Variants in TAF8 observed in about 807,000 individuals in gnomAD.
TAF8 encodes the protein transcription initiation factor TFIID subunit 8.
In TAF8, 47 loss-of-function variants were observed where a neutral mutation model predicts 36.5. The observed-to-expected ratio is 1.29, with a 90% CI of 1.02 to 1.64. The LOEUF is 1.64. Ranked by LOEUF, TAF8 falls within the 40% of genes most tolerant of loss-of-function variation. The pLI is 0.00. For missense variants in TAF8, 420 were observed against 407.6 expected, an observed-to-expected ratio of 1.03 and a Z score of -0.26; for synonymous variants, 175 against 159.5, an observed-to-expected ratio of 1.10 and a Z score of -0.73.
At chr6:42,051,537 C>T (rs753909069) in intron 2 of TAF8, 24 bp downstream of exon 2, 2 of 1,609,242 alleles carry the variant, frequency 1.2e-6, no homozygotes, top group Non-Finnish European at 1.7e-6. Flanking sequence ...AACACTTGGC[C>T]TTGGAGTCAA....
At chr6:42,085,854 G>A (rs919466847), downstream of TAF8, among the ~76,000 whole-genome samples, 4 of 151,786 alleles carry the variant, frequency 2.6e-5, no homozygotes, top group Non-Finnish European at 5.9e-5. Context: ...GCATGGTGGC[G>A]GATGCCTGTA....
chr6:42,065,969 C>T (rs925726378), intron 5 of TAF8, among the ~76,000 whole-genome samples: 3 of 152,144 alleles, frequency 2.0e-5, no homozygotes, highest in East Asian at 3.9e-4. Flanking sequence ...GATGCAGTCT[C>T]GGCTCACTGC....
At chr6:42,061,770 T>A (rs1245483215) in intron 5 of TAF8, among the ~76,000 whole-genome samples, 7 of 152,214 alleles carry the variant, frequency 4.6e-5, no homozygotes, top group African/African-American at 1.4e-4. Flanking sequence ...ATAAGCCAAA[T>A]CATTTTTGGG....
intron 2 of TAF8, among the ~76,000 whole-genome samples, chr6:42,053,323 G>A (rs1183463965): frequency 6.6e-6 from 1 of 152,182 alleles, no homozygotes; most frequent in African/African-American, 2.4e-5. Context: ...AGCACTTTGG[G>A]AGGCCGAGGC....
At chr6:42,071,741 C>T (rs990540790) in intron 7 of TAF8, among the ~76,000 whole-genome samples, 5 of 151,834 alleles carry the variant, frequency 3.3e-5, no homozygotes, top group African/African-American at 7.3e-5. Flanking sequence ...TTAATTTGGG[C>T]TGAGATATGG....
intron 7 of TAF8, among the ~76,000 whole-genome samples, chr6:42,072,993 G>C (rs2127462359): frequency 6.6e-6 from 1 of 152,306 alleles, no homozygotes; most frequent in South Asian, 2.1e-4. Context: ...AAAGTGCTGG[G>C]ATTACAGGCG....
At chr6:42,054,381 G>T (rs1055992881) in intron 2 of TAF8, among the ~76,000 whole-genome samples, 2 of 152,006 alleles carry the variant, frequency 1.3e-5, no homozygotes, top group Non-Finnish European at 2.9e-5. Flanking sequence ...CAATTCAGTG[G>T]TATTAAGTAC....
At chr6:42,056,759 C>T (rs1765003402) in intron 4 of TAF8, among the ~76,000 whole-genome samples, 1 of 152,190 alleles carries the variant, frequency 6.6e-6, no homozygotes, top group African/African-American at 2.4e-5. Context: ...GCGCTCGCCA[C>T]CACACCCAGC....
At position 42,077,751 on chromosome 6, in the gene TAF8, A is replaced by C; in HGVS notation, c.*206A>C. On this transcript the variant is annotated 3_prime_UTR_variant, in exon 9 of 9. Coordinates refer to ENST00000372977, the MANE Select transcript of TAF8 (RefSeq NM_138572.3). ...GGTTGAGGAAGATATGAACAGAATA[A>C]TGAGAATTTTTTTTTTTATTTTGAG... is the stretch of plus-strand genomic sequence containing the variant. 1 of 1,425,462 alleles carries C rather than the reference A, an allele frequency of 7.0e-7. No homozygotes were observed. The highest frequency in any genetic ancestry group is 9.1e-7 in the Non-Finnish European group (1 of 1,094,108). The allele number at this position is 1,425,462 out of a possible 1,614,324, so 88.3% of individuals were successfully genotyped here. A position where few individuals can be genotyped will look rare whatever the true frequency, so the allele number is the denominator to read the frequency against.
chr6:42,078,978 C>T lies in TAF8; in HGVS notation c.*1433C>T, dbSNP rs62415898. 92,752 of 573,296 alleles carry T rather than the reference C, an allele frequency of 0.16. 8,088 individuals carry two copies. The highest frequency in any genetic ancestry group is 0.24 in the South Asian group (3,153 of 12,978). The allele number at this position is 573,296 out of a possible 1,614,324, so 35.5% of individuals were successfully genotyped here. On this transcript the variant is annotated 3_prime_UTR_variant, in exon 9 of 9. Coordinates refer to ENST00000372977, the MANE Select transcript of TAF8 (RefSeq NM_138572.3). ...CTCTACTAAAAATACAAAAATTAGC[C>T]GGGTGTGGTTACTCATGCCTGTAAT...
intron 4 of TAF8, 86 bp from the exon 5 acceptor site, chr6:42,057,303 G>T: frequency 2.5e-6 from 4 of 1,572,010 alleles, no homozygotes; most frequent in Non-Finnish European, 3.5e-6. Context: ...GCATTTTTTT[G>T]AGAAAAGGAG....
intron 5 of TAF8, among the ~76,000 whole-genome samples, chr6:42,064,892 G>C (rs1369463661): frequency 9.9e-5 from 1 of 10,140 alleles, no homozygotes; most frequent in Non-Finnish European, 2.2e-4. Flanking sequence ...GGGGGGCGGA[G>C]CTTGCAGTGA....
At position 42,079,208 on chromosome 6, in the gene TAF8, A is replaced by G. The variant is rs1765849096; in HGVS notation, c.*1663A>G. ...TGTTGAGGGCTGGGCCTCATCTTGT[A>G]TTCTGAAAGCTGAGAAACGGCTGGT... is the stretch of plus-strand genomic sequence containing the variant. On this transcript the variant is annotated 3_prime_UTR_variant, in exon 9 of 9. Transcript: ENST00000372977. 2 of 985,490 alleles carry G rather than the reference A, an allele frequency of 2.0e-6. No homozygotes were observed. The highest frequency in any genetic ancestry group is 1.7e-5 in the African/African-American group (1 of 57,222). The allele number at this position is 985,490 out of a possible 1,614,324, so 61.0% of individuals were successfully genotyped here.
chr6:42,057,844 C>A (rs971780574), intron 5 of TAF8: 26 of 337,816 alleles, frequency 7.7e-5, no homozygotes, highest in African/African-American at 5.5e-4. Context: ...ATTATGTTCT[C>A]AAGTTTGCCA....
intron 5 of TAF8, among the ~76,000 whole-genome samples, chr6:42,058,104 C>T (rs1765069210): frequency 6.6e-6 from 1 of 152,136 alleles, no homozygotes; most frequent in South Asian, 2.1e-4. Context: ...TTAGTAATGG[C>T]CGGGAGCAGT....
At position 42,051,453 on chromosome 6, in the gene TAF8, G is replaced by A; in HGVS notation, c.142G>A (p.Ala48Thr). ...QVVVSSLLTE[A>T]GFESAEKASV... is the part of the protein sequence containing the mutation. ...GGTTGTGAGCTCCTTGCTGACAGAGGCAGGGTTTGAGAGTGCCGAGAAAGC... is the reference window on the plus strand; with the variant it reads ...GGTTGTGAGCTCCTTGCTGACAGAGACAGGGTTTGAGAGTGCCGAGAAAGC... Residue 48 changes from alanine (A) to threonine (T), a missense_variant, in exon 2 of 9, where the codon GCA becomes ACA. Transcript: ENST00000372977. The A allele has an allele frequency of 3.1e-6, 5 of 1,614,092 alleles. No homozygotes were observed. The highest frequency in any genetic ancestry group is 4.2e-6 in the Non-Finnish European group (5 of 1,180,002).
At chr6:42,057,618 T>C in intron 5 of TAF8, 105 bp downstream of exon 5, 2 of 1,486,374 alleles carry the variant, frequency 1.3e-6, no homozygotes, top group South Asian at 1.3e-5. Flanking sequence ...GATGAAAGAG[T>C]GGTTCAAAAC....
Position 42,051,436 on chromosome 6 carries a change from G to T in TAF8, c.125G>T (p.Ser42Ile). 6.2e-7 allele frequency: 1 copy of T among 1,614,142 alleles called. No homozygotes were observed. Among genetic ancestry groups the T allele is most frequent in the South Asian group, 1.1e-5 (1 of 91,084 alleles). Reference sequence around the variant, plus strand: ...AGGAGAACCCTGCAGGTGGTTGTGAGCTCCTTGCTGACAGAGGCAGGGTTT... The same window carrying T: ...AGGAGAACCCTGCAGGTGGTTGTGATCTCCTTGCTGACAGAGGCAGGGTTT... ...ARRRTLQVVV[S>I]SLLTEAGFES... The change falls in exon 2 of 9, where the codon AGC (serine) becomes ATC (isoleucine). Residue 42 changes from serine (S) to isoleucine (I), a missense_variant. Coordinates refer to ENST00000372977, the MANE Select transcript of TAF8 (RefSeq NM_138572.3).
In TAF8 at chr6:42,081,663, C is replaced by T. The variant is rs1453599023; in HGVS notation, c.*4118C>T. On this transcript the variant is annotated 3_prime_UTR_variant, in exon 9 of 9. Transcript: ENST00000372977. ...GGATTACAGGCATGAGCCACCGCAC[C>T]TGGCCTAATTTTTTTGTAGGTTTAG... 6.6e-6 allele frequency: 1 copy of T among 152,318 alleles called. No homozygotes were observed. Among genetic ancestry groups the T allele is most frequent in the African/African-American group, 2.4e-5 (1 of 41,452 alleles). 9.4% of individuals were successfully genotyped at this position (152,318 alleles called of 1,614,324 possible).
Sources: allele counts gnomAD v4.1 joint callset (sites outside exome capture counted in the v4.1 genomes callset), GRCh38; gene constraint gnomAD v4.1.1; transcripts MANE v1.5; gene names NCBI Gene and HGNC (gene_info 2026-07-23, HGNC 2026-07-21).